The following ROBO2 variants were observed in gnomAD, a reference collection of about 807,000 sequenced individuals.
ROBO2 encodes roundabout homolog 2.
In ROBO2, 53 loss-of-function variants were observed where a neutral mutation model predicts 160.8. That is an observed-to-expected ratio of 0.33 (90% CI 0.26 to 0.41). The LOEUF (loss-of-function observed/expected upper bound fraction) is 0.41, where lower values mean the gene tolerates loss of function less well. Among genes scored for constraint, ROBO2 ranks in the 10% least tolerant of loss-of-function variants. The probability of loss-of-function intolerance (pLI) is 1.00; values close to 1 mark genes in which losing one functional copy is unlikely to be tolerated. For synonymous variants in ROBO2, 664 were observed against 611.7 expected (o/e 1.09, Z -1.26); for missense variants, 1,577 against 1,722.4 (o/e 0.92, Z 1.49).
At chr3:77,030,702 C>T (rs868403675) in intron 2 of ROBO2, among the ~76,000 whole-genome samples, 3 of 152,190 alleles carry the variant, frequency 2.0e-5, no homozygotes, top group Non-Finnish European at 4.4e-5. Flanking sequence ...ATACTGCCAA[C>T]TCTTCCATAA....
intron 2 of ROBO2, among the ~76,000 whole-genome samples, chr3:76,299,050 C>T (rs1576312070): frequency 6.6e-6 from 1 of 152,240 alleles, no homozygotes; most frequent in South Asian, 2.1e-4. Context: ...GCGTGTTAGG[C>T]CAATATTCAG....
intron 2 of ROBO2, among the ~76,000 whole-genome samples, chr3:77,241,846 T>G (rs1025023304): frequency 1.3e-5 from 2 of 152,190 alleles, no homozygotes; most frequent in Non-Finnish European, 2.9e-5. Flanking sequence ...TATCAGTCTT[T>G]CCTTTATGTG....
chr3:76,434,069 C>G, intron 2 of ROBO2: 1 of 1,314,590 alleles, frequency 7.6e-7, no homozygotes, highest in Non-Finnish European at 1.1e-6. Flanking sequence ...AGTGGGCCTC[C>G]TGGAGGCAGT....
chr3:76,161,645 A>T, intron 2 of ROBO2, among the ~76,000 whole-genome samples: 1 of 151,980 alleles, frequency 6.6e-6, no homozygotes, highest in Non-Finnish European at 1.5e-5. Context: ...ATTTTATAAA[A>T]CTTTCCTGAG....
At chr3:77,184,218 T>TCAG (rs2081069570) in intron 2 of ROBO2, among the ~76,000 whole-genome samples, 1 of 152,042 alleles carries the variant, frequency 6.6e-6, no homozygotes, top group South Asian at 2.1e-4. Flanking sequence ...AAATCTTGCA[T>TCAG]CAGCTTTATT....
At chr3:77,617,637 TCTC>T in exon 22 of ROBO2, 1 of 1,614,114 alleles carries the variant, frequency 6.2e-7, no homozygotes, top group East Asian at 2.2e-5. Context: ...CGTGGCTTCT[TCTC>T]CTGCTATCTC....
intron 5 of ROBO2, among the ~76,000 whole-genome samples, chr3:77,500,294 A>T (rs1231547918): frequency 6.6e-6 from 1 of 152,146 alleles, no homozygotes; most frequent in Non-Finnish European, 1.5e-5. Context: ...CTCCTACTTG[A>T]GGGTTACAGA....
rs376768863 is a variant in ROBO2 at position 77,644,847 on chromosome 3, C to A, written c.4078C>A (p.Leu1360Ile). Residue 1360 changes from leucine to isoleucine, a missense_variant, in exon 25 of 26, where the codon CTT becomes ATT. Leu to Ile is a conservative substitution (Grantham distance 5). Transcript: ENST00000461745. ...AGGCCACCAGCGCAATGCCAGCGAC[C>A]TTCTTGACATAGGATATATGGGCTC... The A allele has an allele frequency of 3.5e-5, 57 of 1,613,960 alleles. No homozygotes were observed. The highest frequency in any genetic ancestry group is 4.4e-5 in the Non-Finnish European group (52 of 1,180,012).
intron 2 of ROBO2, among the ~76,000 whole-genome samples, chr3:76,993,484 T>C (rs2060808248): frequency 6.6e-6 from 1 of 152,212 alleles, no homozygotes; most frequent in African/African-American, 2.4e-5. Context: ...ATTATTTTGA[T>C]ATAGTGCTTG....
chr3:76,401,344 C>G (rs894202402), intron 2 of ROBO2, among the ~76,000 whole-genome samples: 1 of 151,484 alleles, frequency 6.6e-6, no homozygotes, highest in Non-Finnish European at 1.5e-5. Flanking sequence ...ATGCTAGACC[C>G]TGAGCACTTG....
chr3:76,627,066 G>T (rs1317890228), intron 2 of ROBO2, among the ~76,000 whole-genome samples: 1 of 152,134 alleles, frequency 6.6e-6, no homozygotes, highest in African/African-American at 2.4e-5. Context: ...AACTTGTAGA[G>T]GTAGTGGATA....
At chr3:76,769,502 T>A (rs191142606) in intron 2 of ROBO2, among the ~76,000 whole-genome samples, 1 of 151,516 alleles carries the variant, frequency 6.6e-6, no homozygotes, top group Non-Finnish European at 1.5e-5. Context: ...TTATGTAGAT[T>A]GTTTATTTGT....
At chr3:76,047,022 G>T (rs1376122384) in intron 2 of ROBO2, among the ~76,000 whole-genome samples, 1 of 152,048 alleles carries the variant, frequency 6.6e-6, no homozygotes, top group Non-Finnish European at 1.5e-5. Context: ...TTTTATATTT[G>T]CAAGCAACTT....
At chr3:77,472,517 T>C (rs767602845) in intron 2 of ROBO2, among the ~76,000 whole-genome samples, 6 of 152,198 alleles carry the variant, frequency 3.9e-5, no homozygotes, top group Non-Finnish European at 5.9e-5. Flanking sequence ...CATGCAAATA[T>C]AATTCAGGTT....
At chr3:76,034,235 C>G (rs1259729383) in intron 2 of ROBO2, among the ~76,000 whole-genome samples, 2 of 152,056 alleles carry the variant, frequency 1.3e-5, no homozygotes, top group African/African-American at 4.8e-5. Context: ...AAGTTTTTCT[C>G]TAAATTATTT....
At chr3:77,502,994 C>A (rs1333999772) in intron 5 of ROBO2, among the ~76,000 whole-genome samples, 1 of 151,776 alleles carries the variant, frequency 6.6e-6, no homozygotes, top group Non-Finnish European at 1.5e-5. Flanking sequence ...GTTCTCAGAC[C>A]AAATTTAAGT....
intron 2 of ROBO2, among the ~76,000 whole-genome samples, chr3:76,185,215 T>TAC (rs1553669701): frequency 0.018 from 1,583 of 90,284 alleles, 115 homozygotes; most frequent in African/African-American, 0.056. Context: ...TATATATATA[T>TAC]ACACACACAA....
At chr3:76,260,395 A>C (rs1706668680) in intron 2 of ROBO2, among the ~76,000 whole-genome samples, 1 of 152,162 alleles carries the variant, frequency 6.6e-6, no homozygotes. Flanking sequence ...AGTTCTCTAC[A>C]ATGATCGGTG....
At chr3:77,324,564 G>T (rs1040984355) in intron 2 of ROBO2, among the ~76,000 whole-genome samples, 2 of 152,024 alleles carry the variant, frequency 1.3e-5, no homozygotes, top group East Asian at 3.9e-4. Context: ...CGGATCACGA[G>T]GTCAGGAGAT....
Sources: allele counts gnomAD v4.1 joint callset (sites outside exome capture counted in the v4.1 genomes callset), GRCh38; gene constraint gnomAD v4.1.1; transcripts MANE v1.5; gene names NCBI Gene and HGNC (gene_info 2026-07-23, HGNC 2026-07-21).